Variants in MTHFD1L observed in about 807,000 individuals in gnomAD.
MTHFD1L encodes the protein monofunctional C1-tetrahydrofolate synthase, mitochondrial.
In MTHFD1L, 81 loss-of-function variants were observed where a neutral mutation model predicts 119.5. The ratio of observed to expected loss-of-function variants is 0.68; its 90% confidence interval spans 0.57 to 0.82. MTHFD1L has a LOEUF of 0.82. Among genes scored for constraint, MTHFD1L ranks in the 40% least tolerant of loss-of-function variants. The pLI is 0.00. For missense variants in MTHFD1L, 1,125 were observed against 1,253.4 expected (o/e 0.90, Z 1.55); for synonymous variants, 430 against 475.2 (o/e 0.90, Z 1.24).
At chr6:150,941,038 G>A (rs534925964) in intron 13 of MTHFD1L, among the ~76,000 whole-genome samples, 12 of 152,234 alleles carry the variant, frequency 7.9e-5, no homozygotes, top group Admixed American at 2.0e-4. Flanking sequence ...GCCAGGCACA[G>A]ACAATATGTA....
chr6:150,881,570 G>GT (rs1781401890), intron 4 of MTHFD1L, among the ~76,000 whole-genome samples: 1 of 151,996 alleles, frequency 6.6e-6, no homozygotes. Context: ...CTTCATTCTG[G>GT]TCTCTGCTTG....
chr6:151,079,204 A>G, intron 26 of MTHFD1L, among the ~76,000 whole-genome samples: 1 of 152,054 alleles, frequency 6.6e-6, no homozygotes, highest in East Asian at 1.9e-4. Flanking sequence ...GATCTAACCA[A>G]AAGTCATGAC....
At chr6:150,964,640 T>C (rs1024595088) in intron 18 of MTHFD1L, among the ~76,000 whole-genome samples, 20 of 152,222 alleles carry the variant, frequency 1.3e-4, no homozygotes, top group African/African-American at 4.8e-4. Flanking sequence ...AAATACACTG[T>C]GCATAAATAG....
chr6:150,991,506 T>C (rs1240527620), intron 20 of MTHFD1L, among the ~76,000 whole-genome samples: 2 of 152,256 alleles, frequency 1.3e-5, no homozygotes, highest in East Asian at 3.9e-4. Flanking sequence ...CACTTCACAC[T>C]TTGTGATTTG....
intron 18 of MTHFD1L, among the ~76,000 whole-genome samples, chr6:150,964,235 CAT>C (rs202188268): frequency 0.011 from 1,682 of 152,246 alleles, 29 homozygotes; most frequent in African/African-American, 0.038. Flanking sequence ...TTTTTTGGCA[CAT>C]GTTTTCCGCT....
In MTHFD1L at chr6:151,015,580, G is replaced by A. The variant is rs1010946073; in HGVS notation, c.2473G>A (p.Ala825Thr). 2.5e-6 allele frequency: 4 copies of A among 1,614,048 alleles called. No homozygotes were observed. In the African/African-American group the frequency reaches 4.0e-5, roughly 16 times the overall value. ...TGCAAAGCGGGCTGGTGCCTTTGAT[G>A]CAGTCCCCTGCTATCACTGGTCCGT... ...ELAKRAGAFD[A>T]VPCYHWSVGG... Residue 825 changes from alanine (A) to threonine (T), a missense_variant, in exon 24 of 28, where the codon GCA becomes ACA. Physicochemically the swap from Ala to Thr is moderately conservative, Grantham distance 58. Around this residue, in one of 3 missense-constraint regions of MTHFD1L, gnomAD observed 1,058 missense variants for 1,151.2 expected, o/e 0.92. Coordinates refer to ENST00000367321, the MANE Select transcript of MTHFD1L (RefSeq NM_015440.5).
chr6:151,097,912 T>C (rs1426950728), intron 27 of MTHFD1L, among the ~76,000 whole-genome samples: 2 of 152,174 alleles, frequency 1.3e-5, no homozygotes, highest in South Asian at 4.1e-4. Flanking sequence ...TGGTGGCTCA[T>C]GCTTCTAATC....
rs560404121 is a variant in MTHFD1L at position 151,089,660 on chromosome 6, G to A, written c.2848-2807G>A. On this transcript the variant is annotated intron_variant, in intron 26 of 27. Coordinates refer to ENST00000367321, the MANE Select transcript of MTHFD1L (RefSeq NM_015440.5). ...CCGGCAAATGCCATCTCAAAATGCAGTTAGGCAGGAAAATTACCTGGTATG... is the reference window on the plus strand; with the variant it reads ...CCGGCAAATGCCATCTCAAAATGCAATTAGGCAGGAAAATTACCTGGTATG... Among the ~76,000 whole-genome samples the A allele has an allele frequency of 4.6e-5, 7 of 152,334 alleles. No individual in the cohort carries two copies. The South Asian group carries it at 1.2e-3, about 27-fold the overall frequency.
intron 8 of MTHFD1L, among the ~76,000 whole-genome samples, chr6:150,917,009 G>A (rs149414647): frequency 0.012 from 1,849 of 149,212 alleles, 55 homozygotes; most frequent in African/African-American, 0.043. Context: ...GATCCACCCG[G>A]CTTGGCCTCC....
intron 26 of MTHFD1L, among the ~76,000 whole-genome samples, chr6:151,083,929 C>G (rs1793474857): frequency 6.6e-6 from 1 of 152,012 alleles, no homozygotes; most frequent in Admixed American, 6.6e-5. Flanking sequence ...TAACAATAAC[C>G]CTGACCTCAC....
At chr6:150,937,753 A>T (rs1792355959) in intron 12 of MTHFD1L, among the ~76,000 whole-genome samples, 1 of 152,042 alleles carries the variant, frequency 6.6e-6, no homozygotes, top group African/African-American at 2.4e-5. Context: ...CGCATCTCTA[A>T]AAGTCCAAAA....
chr6:150,963,619 C>T (rs145052318), intron 18 of MTHFD1L, among the ~76,000 whole-genome samples: 148 of 152,156 alleles, frequency 9.7e-4, no homozygotes, highest in Middle Eastern at 3.4e-3. Context: ...GATAAAAGTA[C>T]GGGGAGAATG....
chr6:150,965,576 G>A (rs1047702067), intron 19 of MTHFD1L, among the ~76,000 whole-genome samples: 5 of 151,534 alleles, frequency 3.3e-5, no homozygotes, highest in Admixed American at 1.3e-4. Context: ...CAGGAGAATC[G>A]CTTGAACCCG....
At chr6:150,891,341 T>C (rs1325938519) in intron 7 of MTHFD1L, among the ~76,000 whole-genome samples, 1 of 151,712 alleles carries the variant, frequency 6.6e-6, no homozygotes, top group Non-Finnish European at 1.5e-5. Flanking sequence ...TGCAGAAGGA[T>C]GTATTTCATA....
chr6:150,871,131 AAT>A lies in MTHFD1L; in HGVS notation c.228-4947_228-4946del, dbSNP rs551963415. Among the ~76,000 whole-genome samples the A allele has an allele frequency of 8.1e-3, 1,168 of 144,000 alleles. 20 individuals carry two copies. Among genetic ancestry groups the A allele is most frequent in the African/African-American group, 0.028 (1,090 of 39,152 alleles). The allele number at this position is 144,000 out of a possible 152,430, so 94.5% of individuals were successfully genotyped here. On this transcript the variant is annotated intron_variant, in intron 1 of 27. Coordinates refer to ENST00000367321, the MANE Select transcript of MTHFD1L (RefSeq NM_015440.5). Reference sequence around the variant, plus strand: ...TATAATATATATTAATATATATCTTAATATATATATATAAGGTAATATATATA... The same window carrying A: ...TATAATATATATTAATATATATCTTAATATATATATAAGGTAATATATATA...
chr6:151,058,501 T>A (rs1790256641), intron 26 of MTHFD1L, among the ~76,000 whole-genome samples: 1 of 152,240 alleles, frequency 6.6e-6, no homozygotes, highest in Non-Finnish European at 1.5e-5. Context: ...CATATACATT[T>A]GCAGATTTTC....
Position 151,078,458 on chromosome 6 carries a change from G to T in MTHFD1L, c.2848-14009G>T, listed in dbSNP as rs77091388. ...TTTAGTGGCTTAAAACAGCTCACAT[G>T]TATTATCTTCCATTTCTCTGGGTCA... On this transcript the variant is annotated intron_variant, in intron 26 of 27. Coordinates refer to ENST00000367321, the MANE Select transcript of MTHFD1L (RefSeq NM_015440.5). Among the ~76,000 whole-genome samples the T allele has an allele frequency of 2.5e-3, 378 of 152,282 alleles. 2 individuals are homozygous for T. The highest frequency in any genetic ancestry group is 8.7e-3 in the African/African-American group (361 of 41,550).
intron 20 of MTHFD1L, among the ~76,000 whole-genome samples, chr6:150,987,646 G>A (rs995490578): frequency 6.6e-5 from 10 of 152,142 alleles, no homozygotes; most frequent in Non-Finnish European, 1.5e-4. Flanking sequence ...CCTGAGTGTC[G>A]GCCCCACAGC....
chr6:151,091,490 C>T (rs1409911131), intron 26 of MTHFD1L, among the ~76,000 whole-genome samples: 1 of 152,012 alleles, frequency 6.6e-6, no homozygotes, highest in Non-Finnish European at 1.5e-5. Flanking sequence ...GGAGAGTGTG[C>T]GGTTTGAAGA....
Sources: allele counts gnomAD v4.1 joint callset (sites outside exome capture counted in the v4.1 genomes callset), GRCh38; gene constraint gnomAD v4.1.1; regional missense constraint gnomAD v4.1.1; transcripts MANE v1.5; gene names NCBI Gene and HGNC (gene_info 2026-07-23, HGNC 2026-07-21).